The following TENM2 variants were observed in gnomAD, a reference collection of about 807,000 sequenced individuals.
TENM2 encodes the protein teneurin-2.
A neutral mutation model predicts 245.2 loss-of-function variants in TENM2; 52 were observed. That is an observed-to-expected ratio of 0.21 (90% CI 0.17 to 0.27). The LOEUF (loss-of-function observed/expected upper bound fraction) is 0.27. Ranked by LOEUF, TENM2 falls within the 10% of genes least tolerant of loss-of-function variation. The pLI is 1.00. For synonymous variants in TENM2, 1,363 were observed against 1,438.9 expected (o/e 0.95, Z 1.19); for missense variants, 3,046 against 3,666.8 (o/e 0.83, Z 4.37).
At chr5:167,058,321 T>C in the TENM2 span, among the ~76,000 whole-genome samples, 2 of 152,172 alleles carry the variant, frequency 1.3e-5, no homozygotes, top group Non-Finnish European at 2.9e-5. Context: ...GACTCATATA[T>C]TCTATGCTAA....
At chr5:168,191,302 C>T (rs1361361946) in intron 14 of TENM2, among the ~76,000 whole-genome samples, 2 of 152,174 alleles carry the variant, frequency 1.3e-5, no homozygotes, top group African/African-American at 4.8e-5. Flanking sequence ...GAGACACTTC[C>T]CCACCACCCC....
chr5:167,947,956 G>A (rs1377502853), intron 3 of TENM2, among the ~76,000 whole-genome samples: 1 of 152,094 alleles, frequency 6.6e-6, no homozygotes, highest in African/African-American at 2.4e-5. Flanking sequence ...GGTTTAATTT[G>A]TCTCTGCTTT....
chr5:167,391,936 G>A (rs1162019613), intron 2 of TENM2, among the ~76,000 whole-genome samples: 1 of 152,044 alleles, frequency 6.6e-6, no homozygotes, highest in African/African-American at 2.4e-5. Context: ...AGAAGAGGAG[G>A]GAGCCAGGAG....
At position 168,202,192 on chromosome 5, in the gene TENM2, G is replaced by C. The variant is rs544231618; in HGVS notation, c.3431-1497G>C. ...CTATTAGCTGAAATACTTCTATATA[G>C]AGATGCTTTCTCCTTAACTACTTGG... On this transcript the variant is annotated intron_variant, in intron 17 of 28. Transcript: ENST00000518659. Among the ~76,000 whole-genome samples the C allele has an allele frequency of 2.6e-5, 4 of 152,270 alleles. No individual in the cohort carries two copies. The South Asian group carries it at 8.3e-4, about 32-fold the overall frequency.
At chr5:167,411,685 G>T (rs1762921327) in intron 2 of TENM2, among the ~76,000 whole-genome samples, 2 of 151,776 alleles carry the variant, frequency 1.3e-5, no homozygotes, top group South Asian at 4.2e-4. Context: ...GATTCCAGGA[G>T]ATTGGATGAA....
intron 2 of TENM2, among the ~76,000 whole-genome samples, chr5:167,675,157 C>T (rs1167850266): frequency 6.6e-6 from 1 of 152,070 alleles, no homozygotes; most frequent in Non-Finnish European, 1.5e-5. Flanking sequence ...TTTGTAAGTG[C>T]TTATAGTCTA....
chr5:168,119,297 G>T (rs1186695114), intron 10 of TENM2, among the ~76,000 whole-genome samples: 5 of 152,194 alleles, frequency 3.3e-5, no homozygotes, highest in Non-Finnish European at 5.9e-5. Context: ...TGACAATATG[G>T]TCAGAGATCA....
chr5:167,129,270 G>C, the TENM2 span, among the ~76,000 whole-genome samples: 1 of 151,840 alleles, frequency 6.6e-6, no homozygotes, highest in Non-Finnish European at 1.5e-5. Flanking sequence ...GAATCTGACA[G>C]AATTTATTGC....
intron 3 of TENM2, among the ~76,000 whole-genome samples, chr5:167,907,485 T>C (rs1260923525): frequency 1.4e-5 from 2 of 140,406 alleles, no homozygotes; most frequent in African/African-American, 5.2e-5. Context: ...TTGATCAAGA[T>C]GGCCTTTCTG....
At chr5:167,923,795 G>A (rs1189297513) in intron 3 of TENM2, among the ~76,000 whole-genome samples, 1 of 152,072 alleles carries the variant, frequency 6.6e-6, no homozygotes, top group African/African-American at 2.4e-5. Context: ...TCTCGGGAAG[G>A]AAGCCTAGTA....
intron 5 of TENM2, among the ~76,000 whole-genome samples, chr5:168,013,490 G>T (rs2152082046): frequency 6.6e-6 from 1 of 152,062 alleles, no homozygotes; most frequent in Middle Eastern, 3.4e-3. Context: ...TGTAATCCCA[G>T]CTACCCAGGA....
chr5:167,317,378 T>A (rs1756428307), intron 1 of TENM2, among the ~76,000 whole-genome samples: 1 of 152,176 alleles, frequency 6.6e-6, no homozygotes, highest in African/African-American at 2.4e-5. Context: ...AGTTGCTCTT[T>A]CATCCTACCA....
the TENM2 span, among the ~76,000 whole-genome samples, chr5:167,112,021 TG>T: frequency 2.6e-5 from 4 of 152,220 alleles, no homozygotes; most frequent in African/African-American, 9.6e-5. Context: ...TGCCATATTG[TG>T]AGCTGACACC....
intron 2 of TENM2, among the ~76,000 whole-genome samples, chr5:167,496,376 A>G (rs796176716): frequency 1.6e-4 from 25 of 152,110 alleles, no homozygotes; most frequent in African/African-American, 6.0e-4. Flanking sequence ...GTAGGTTCGG[A>G]TGGATTTTGT....
chr5:167,409,464 T>C (rs1762798917), intron 2 of TENM2, among the ~76,000 whole-genome samples: 2 of 151,974 alleles, frequency 1.3e-5, no homozygotes. Context: ...GAAGTACTCA[T>C]TCATCTATTG....
intron 7 of TENM2, among the ~76,000 whole-genome samples, chr5:168,080,400 T>A (rs1246987248): frequency 6.6e-6 from 1 of 152,242 alleles, no homozygotes; most frequent in Admixed American, 6.5e-5. Context: ...TTCACTGATT[T>A]TTTGAAGGAT....
At chr5:167,978,439 C>T (rs1430994619) in intron 4 of TENM2, among the ~76,000 whole-genome samples, 1 of 152,058 alleles carries the variant, frequency 6.6e-6, no homozygotes, top group Admixed American at 6.6e-5. Context: ...AAATAGTATT[C>T]CAAAAGGGAA....
intron 12 of TENM2, among the ~76,000 whole-genome samples, chr5:168,154,470 C>T (rs993901047): frequency 2.0e-5 from 3 of 152,148 alleles, no homozygotes; most frequent in Admixed American, 2.0e-4. Context: ...GGTGATCCAC[C>T]CGCCTCAACC....
intron 4 of TENM2, among the ~76,000 whole-genome samples, chr5:167,989,344 G>A (rs1019732780): frequency 3.3e-5 from 5 of 151,964 alleles, no homozygotes; most frequent in Non-Finnish European, 5.9e-5. Context: ...GGCTGTGTTA[G>A]AATAGATTCC....
Sources: allele counts gnomAD v4.1 joint callset (sites outside exome capture counted in the v4.1 genomes callset), GRCh38; gene constraint gnomAD v4.1.1; transcripts MANE v1.5; gene names NCBI Gene and HGNC (gene_info 2026-07-23, HGNC 2026-07-21).